The following RGS21 variants were observed in gnomAD, a reference collection of about 807,000 sequenced individuals.
RGS21 encodes the protein regulator of G-protein signalling 21.
Under a neutral mutation model 18.7 loss-of-function variants are expected in RGS21, and 19 were observed. That is an observed-to-expected ratio of 1.01 (90% confidence interval 0.71 to 1.49). The LOEUF (loss-of-function observed/expected upper bound fraction) is 1.49. Among genes scored for constraint, RGS21 ranks in the 40% most tolerant of loss-of-function variants. The pLI is 0.00. For synonymous variants in RGS21, 56 were observed against 57.8 expected (o/e 0.97, Z 0.14); for missense variants, 194 against 176.8 (o/e 1.10, Z -0.55).
chr1:192,355,819 TATA>T (rs1229814064), intron 4 of RGS21, among the ~76,000 whole-genome samples: 1 of 151,154 alleles, frequency 6.6e-6, no homozygotes, highest in Non-Finnish European at 1.5e-5. Context: ...ATTTAAAATA[TATA>T]TTATATTTAT....
Position 192,365,946 on chromosome 1 carries a change from A to T in RGS21, c.281A>T (p.Asp94Val). The change falls in exon 5 of 5, where the codon GAC becomes GTC. Residue 94 changes from aspartate (D) to valine (V), a missense_variant. Asp to Val is a radical substitution (Grantham distance 152). Transcript: ENST00000417209. ...ATTAACATTGACTTCGGTACCAGAG[A>T]CCTCATCTCAAAGAATATTGCTGAA... ...KEINIDFGTR[D>V]LISKNIAEPT... 1 of 1,606,930 alleles carries T rather than the reference A, an allele frequency of 6.2e-7. No individual in the cohort carries two copies. The highest frequency in any genetic ancestry group is 1.7e-5 in the Admixed American group (1 of 59,650).
intron 1 of RGS21, among the ~76,000 whole-genome samples, chr1:192,336,046 C>T (rs112281910): frequency 6.6e-6 from 1 of 152,152 alleles, no homozygotes; most frequent in Non-Finnish European, 1.5e-5. Context: ...AATGCTCTTC[C>T]GTGTAAAGCA....
At chr1:192,356,714 T>C (rs990438990) in intron 4 of RGS21, among the ~76,000 whole-genome samples, 1 of 151,786 alleles carries the variant, frequency 6.6e-6, no homozygotes, top group Non-Finnish European at 1.5e-5. Context: ...ATCCTATTAC[T>C]GTGATGCCAA....
intron 1 of RGS21, among the ~76,000 whole-genome samples, chr1:192,321,808 A>G (rs1445989125): frequency 3.3e-5 from 5 of 151,994 alleles, no homozygotes; most frequent in Admixed American, 2.6e-4. Context: ...GTCTGTTTTT[A>G]TTTTTAATAC....
At chr1:192,357,102 T>C (rs1248919767) in intron 4 of RGS21, among the ~76,000 whole-genome samples, 1 of 151,738 alleles carries the variant, frequency 6.6e-6, no homozygotes, top group Non-Finnish European at 1.5e-5. Flanking sequence ...GAGATGGTAG[T>C]TTGCAACAGG....
At chr1:192,326,444 T>G (rs1242073666) in intron 1 of RGS21, among the ~76,000 whole-genome samples, 1 of 152,070 alleles carries the variant, frequency 6.6e-6, no homozygotes, top group Non-Finnish European at 1.5e-5. Flanking sequence ...GTTAATAATA[T>G]TTACCTCAAA....
intron 1 of RGS21, among the ~76,000 whole-genome samples, chr1:192,338,614 G>A (rs1557977060): frequency 6.6e-6 from 1 of 151,908 alleles, no homozygotes; most frequent in Admixed American, 6.6e-5. Context: ...ACCTCTCTTT[G>A]TCACCTGACC....
At chr1:192,321,466 C>T (rs1421271963) in intron 1 of RGS21, among the ~76,000 whole-genome samples, 1 of 151,944 alleles carries the variant, frequency 6.6e-6, no homozygotes, top group Non-Finnish European at 1.5e-5. Context: ...TTCTAATCCC[C>T]AGGCATATTG....
chr1:192,348,386 T>G (rs568083256), intron 3 of RGS21, among the ~76,000 whole-genome samples: 1 of 152,150 alleles, frequency 6.6e-6, no homozygotes, highest in Non-Finnish European at 1.5e-5. Flanking sequence ...ATACAAACTG[T>G]TGAAAATTTT....
Position 192,317,077 on chromosome 1 carries a change from G to A in RGS21, c.-89G>A, listed in dbSNP as rs1367157203. ...ACAAAGAAGGAATCAAGAGAGCAAG[G>A]ACAGTGATTTCCCCTGCATTGCATT... On this transcript the variant is annotated 5_prime_UTR_variant, in exon 1 of 5. Coordinates refer to ENST00000417209, the MANE Select transcript of RGS21 (RefSeq NM_001039152.3). 6.6e-6 allele frequency: 1 copy of A among 151,850 alleles called. No individual in the cohort carries two copies. The highest frequency in any genetic ancestry group is 2.4e-5 in the African/African-American group (1 of 41,398). 9.4% of individuals were successfully genotyped at this position (151,850 alleles called of 1,614,324 possible).
intron 1 of RGS21, among the ~76,000 whole-genome samples, chr1:192,332,091 G>A (rs978670416): frequency 6.6e-6 from 1 of 151,876 alleles, no homozygotes; most frequent in Non-Finnish European, 1.5e-5. Context: ...TAAGCTTAAG[G>A]TACAGAAAAA....
chr1:192,340,517 G>T (rs530972841), intron 1 of RGS21, among the ~76,000 whole-genome samples: 1 of 152,152 alleles, frequency 6.6e-6, no homozygotes, highest in South Asian at 2.1e-4. Context: ...CTCTTAAGGA[G>T]GGTTTTAAAG....
chr1:192,332,236 C>A (rs1356271165), intron 1 of RGS21, among the ~76,000 whole-genome samples: 2 of 151,878 alleles, frequency 1.3e-5, no homozygotes, highest in Non-Finnish European at 2.9e-5. Flanking sequence ...GGAACAGAAT[C>A]AAAATATCTC....
intron 1 of RGS21, among the ~76,000 whole-genome samples, chr1:192,338,223 C>T (rs1658801823): frequency 6.6e-6 from 1 of 152,118 alleles, no homozygotes; most frequent in Admixed American, 6.6e-5. Context: ...ATGAACCATA[C>T]ACAACTCAGG....
rs564267421 is a variant in RGS21, at chr1:192,336,047, G to A, written c.-60-6930G>A. ...TTAACAACTTGCGTAATGCTCTTCC[G>A]TGTAAAGCATATTATCTAAAAATCA... is the stretch of plus-strand genomic sequence containing the variant. On this transcript the variant is annotated intron_variant, in intron 1 of 4. Coordinates refer to ENST00000417209, the MANE Select transcript of RGS21 (RefSeq NM_001039152.3). Among the ~76,000 whole-genome samples the A allele has an allele frequency of 5.3e-5, 8 of 152,224 alleles. No homozygotes were observed. In the East Asian group the frequency reaches 1.3e-3, roughly 26 times the overall value.
intron 1 of RGS21, among the ~76,000 whole-genome samples, chr1:192,328,112 G>T (rs1186815649): frequency 6.6e-6 from 1 of 152,110 alleles, no homozygotes; most frequent in African/African-American, 2.4e-5. Context: ...CTTTAAAAAA[G>T]AAGGCATACA....
chr1:192,328,387 C>T (rs767894971), intron 1 of RGS21, among the ~76,000 whole-genome samples: 1 of 152,016 alleles, frequency 6.6e-6, no homozygotes, highest in Non-Finnish European at 1.5e-5. Context: ...AGAGTAAGTG[C>T]TTAGTAGTTG....
intron 1 of RGS21, among the ~76,000 whole-genome samples, chr1:192,327,005 A>T (rs1339701583): frequency 3.9e-5 from 6 of 152,142 alleles, no homozygotes; most frequent in Non-Finnish European, 8.8e-5. Context: ...AATCCACTTT[A>T]TGTTCTAATA....
chr1:192,365,267 G>C (rs1659238585), intron 4 of RGS21, among the ~76,000 whole-genome samples: 1 of 152,072 alleles, frequency 6.6e-6, no homozygotes, highest in Admixed American at 6.6e-5. Context: ...CCACAAGAAG[G>C]TTTGGAGCAT....
Sources: gnomAD v4.1 joint callset for allele counts (sites outside exome capture counted in the v4.1 genomes callset) on GRCh38, gnomAD v4.1.1 for gene constraint, MANE v1.5 for transcripts, NCBI Gene and HGNC (gene_info 2026-07-23, HGNC 2026-07-21) for gene names.